FBXL18: variants seen among roughly 807,000 people sequenced by gnomAD.
FBXL18 encodes the protein F-box and leucine rich repeat protein 18.
A neutral mutation model predicts 46.0 loss-of-function variants in FBXL18; 36 were observed. The observed-to-expected ratio is 0.78, with a 90% CI of 0.60 to 1.03. The LOEUF is 1.03. Ranked by LOEUF, FBXL18 falls within the 50% of genes least tolerant of loss-of-function variation. The probability of loss-of-function intolerance (pLI) is 0.00; values close to 1 mark genes in which losing one functional copy is unlikely to be tolerated. For missense variants in FBXL18, 977 were observed against 1,004.1 expected, an observed-to-expected ratio of 0.97 and a Z score of 0.36; for synonymous variants, 557 against 465.3, an observed-to-expected ratio of 1.20 and a Z score of -2.54.
At position 5,496,005 on chromosome 7, in the gene FBXL18, C is replaced by T. The variant is rs1347633403; in HGVS notation, c.1781+4483G>A. The T allele has an allele frequency of 2.4e-6, 1 of 415,394 alleles. No individual in the cohort carries two copies. Among genetic ancestry groups the T allele is most frequent in the Admixed American group, 2.7e-5 (1 of 37,452 alleles). The allele number at this position is 415,394 out of a possible 1,614,324, so 25.7% of individuals were successfully genotyped here. Reference sequence around the variant, plus strand: ...CAAAACCCACAGAACCCGCAGGCCTCTCCGCGCCTTCTCCATGGCCCTGCT... The same window carrying T: ...CAAAACCCACAGAACCCGCAGGCCTTTCCGCGCCTTCTCCATGGCCCTGCT... On this transcript the variant is annotated intron_variant, in intron 3 of 4. Transcript: ENST00000382368. This position sits in a 1 kb window ranked among gnomAD's most constrained non-coding sequence, Gnocchi z 4.8.
At chr7:5,489,221 C>A (rs547419884) in intron 4 of FBXL18, 2 of 517,946 alleles carry the variant, frequency 3.9e-6, no homozygotes, top group East Asian at 1.1e-4. Context: ...CAAGAGGACT[C>A]CACGGTGTAG....
downstream of FBXL18, among the ~76,000 whole-genome samples, chr7:5,475,161 A>G (rs989197870): frequency 6.6e-6 from 1 of 151,460 alleles, no homozygotes; most frequent in African/African-American, 2.4e-5. The surrounding 1 kb of genome is among the most constrained non-coding windows in gnomAD (Gnocchi z 4.2). Context: ...TCTACTGAAA[A>G]TATTTTAAAA....
intron 1 of FBXL18, among the ~76,000 whole-genome samples, chr7:5,506,788 T>A (rs1043688414): frequency 2.0e-5 from 3 of 152,118 alleles, no homozygotes; most frequent in Non-Finnish European, 4.4e-5. Flanking sequence ...AACTCCTGGC[T>A]TCGAGTGATC....
rs557843442 is a variant in FBXL18, at chr7:5,480,068, C to T, written c.*1707G>A. 1.4e-4 allele frequency among the ~76,000 whole-genome samples: 22 copies of T among 152,312 alleles called. No individual in the cohort carries two copies. Among genetic ancestry groups the T allele is most frequent in the African/African-American group, 5.3e-4 (22 of 41,560 alleles). On this transcript the variant is annotated 3_prime_UTR_variant, in exon 5 of 5. Transcript: ENST00000382368. ...CCTCCTGGACAAGGAGCTTGGCCCCCAGAGCAAGGAGCTGCTGAAAACCAT... is the reference window on the plus strand; with the variant it reads ...CCTCCTGGACAAGGAGCTTGGCCCCTAGAGCAAGGAGCTGCTGAAAACCAT...
At chr7:5,460,823 C>G (rs888729597) in intron 4 of FBXL18, among the ~76,000 whole-genome samples, 2 of 152,212 alleles carry the variant, frequency 1.3e-5, no homozygotes, top group East Asian at 3.8e-4. Flanking sequence ...GCCTCGCTAT[C>G]TGCACATTGC....
chr7:5,493,906 G>A (rs1188259343), intron 3 of FBXL18, among the ~76,000 whole-genome samples: 3 of 152,058 alleles, frequency 2.0e-5, no homozygotes, highest in Admixed American at 2.0e-4. Context: ...GGCTGAGGCA[G>A]GCGGATCACC....
chr7:5,484,700 G>C (rs535243064), intron 4 of FBXL18, among the ~76,000 whole-genome samples: 1 of 149,204 alleles, frequency 6.7e-6, no homozygotes, highest in Non-Finnish European at 1.5e-5. Context: ...GTGCAATCGC[G>C]TGATCTTGGC....
intron 4 of FBXL18, among the ~76,000 whole-genome samples, chr7:5,463,352 G>T (rs1783285958): frequency 6.6e-6 from 1 of 152,002 alleles, no homozygotes; most frequent in African/African-American, 2.4e-5. Context: ...TGGGGCAGTG[G>T]CTCAGGCCTG....
intron 2 of FBXL18, among the ~76,000 whole-genome samples, chr7:5,503,115 C>T (rs896471812): frequency 8.5e-5 from 13 of 152,264 alleles, no homozygotes; most frequent in Admixed American, 6.5e-4. Flanking sequence ...GGCGCTTCAG[C>T]GCATGCCTGT....
intron 4 of FBXL18, among the ~76,000 whole-genome samples, chr7:5,465,481 CTGAT>C (rs1198028128): frequency 1.6e-4 from 25 of 151,772 alleles, no homozygotes; most frequent in African/African-American, 2.4e-4. Context: ...GATTGATTGA[CTGAT>C]TGATTGATTG....
rs1784597341 is a variant in FBXL18 at position 5,513,593 on chromosome 7, G to A, written c.18+64C>T. ...ATGCAAGGGAACCCGGGTCGGGATG[G>A]AAGAACCCAGGGAGACCGAGGCCGC... On this transcript the variant is annotated intron_variant, in intron 1 of 4. Coordinates refer to ENST00000382368, the MANE Select transcript of FBXL18 (RefSeq NM_024963.6). 3 of 1,585,714 alleles carry A rather than the reference G, an allele frequency of 1.9e-6. No homozygotes were observed. In the Admixed American group the frequency reaches 5.1e-5, roughly 27 times the overall value.
At chr7:5,464,073 C>T (rs371190759) in intron 4 of FBXL18, among the ~76,000 whole-genome samples, 1 of 152,082 alleles carries the variant, frequency 6.6e-6, no homozygotes, top group East Asian at 1.9e-4. Flanking sequence ...TGGCCGGGCG[C>T]GGTGACTCAG....
chr7:5,513,661 C>G lies in FBXL18; in HGVS notation c.14G>C (p.Gly5Ala), dbSNP rs773154441. ...GGAGACAGTCGCGGACAGTACCTCT[C>G]CGGAGCTGGCCATGTCGCCGGCGGG... MASS[G>A]EDISNDDDDM... Residue 5 changes from glycine to alanine, a missense_variant, in exon 1 of 5, where the codon GGA becomes GCA. Physicochemically the swap from Gly to Ala is moderately conservative, Grantham distance 60. Transcript: ENST00000382368. 5.6e-6 allele frequency: 9 copies of G among 1,610,550 alleles called. No homozygotes were observed. In the East Asian group the frequency reaches 2.0e-4, roughly 36 times the overall value.
chr7:5,490,287 C>G (rs1200921293), intron 4 of FBXL18: 5 of 1,234,792 alleles, frequency 4.0e-6, no homozygotes, highest in Admixed American at 3.0e-5. Context: ...TCTCAGGAGC[C>G]CTGATCACTC....
intron 4 of FBXL18, among the ~76,000 whole-genome samples, chr7:5,487,521 A>C (rs1783805357): frequency 1.3e-5 from 2 of 152,256 alleles, no homozygotes; most frequent in Non-Finnish European, 2.9e-5. Flanking sequence ...AGTCCCCGAC[A>C]CGGCCCCTCT....
At chr7:5,490,704 C>T (rs139228777) in intron 4 of FBXL18, among the ~76,000 whole-genome samples, 4 of 152,234 alleles carry the variant, frequency 2.6e-5, no homozygotes, top group African/African-American at 9.6e-5. Context: ...GTGGCTCATG[C>T]CTGTAATCCC....
At chr7:5,462,892 A>T (rs1783267783) in intron 4 of FBXL18, among the ~76,000 whole-genome samples, 1 of 142,698 alleles carries the variant, frequency 7.0e-6, no homozygotes, top group Non-Finnish European at 1.5e-5. Context: ...CGGAGCTTGC[A>T]GTGAGCCAAG....
intron 3 of FBXL18, among the ~76,000 whole-genome samples, chr7:5,492,571 T>C (rs921522335): frequency 6.6e-6 from 1 of 152,028 alleles, no homozygotes; most frequent in Non-Finnish European, 1.5e-5. Context: ...GCAGGAGTCC[T>C]CACCTTGGGA....
intron 4 of FBXL18, among the ~76,000 whole-genome samples, chr7:5,470,509 C>T (rs1449191743): frequency 3.3e-5 from 5 of 152,218 alleles, no homozygotes; most frequent in African/African-American, 4.8e-5. Flanking sequence ...CAGTTCTGAG[C>T]TGCCCAGAGA....
Sources: allele counts gnomAD v4.1 joint callset (sites outside exome capture counted in the v4.1 genomes callset), GRCh38; gene constraint gnomAD v4.1.1; non-coding constraint Gnocchi (gnomAD v3.1); transcripts MANE v1.5; gene names NCBI Gene and HGNC (gene_info 2026-07-23, HGNC 2026-07-21).